EVL: variants seen among roughly 807,000 people sequenced by gnomAD.
EVL encodes the protein ena/VASP-like protein.
Under a neutral mutation model 59.6 loss-of-function variants are expected in EVL, and 21 were observed. The ratio of observed to expected loss-of-function variants is 0.35; its 90% CI spans 0.25 to 0.51. The LOEUF (loss-of-function observed/expected upper bound fraction) is 0.51, where lower values mean the gene tolerates loss of function less well. Ranked by LOEUF, EVL falls within the 20% of genes least tolerant of loss-of-function variation. EVL has a pLI of 0.97. For synonymous variants in EVL, 198 were observed against 203.5 expected, an observed-to-expected ratio of 0.97 and a Z score of 0.23; for missense variants, 462 against 546.6, an observed-to-expected ratio of 0.85 and a Z score of 1.54.
At chr14:100,042,277 C>G (rs2061478991) in intron 1 of EVL, among the ~76,000 whole-genome samples, 1 of 152,080 alleles carries the variant, frequency 6.6e-6, no homozygotes, top group Non-Finnish European at 1.5e-5. Context: ...CCAAAGGCTA[C>G]CAAATTGGAT....
chr14:100,068,414 G>C (rs2061981959), intron 1 of EVL, among the ~76,000 whole-genome samples: 3 of 152,216 alleles, frequency 2.0e-5, no homozygotes, highest in Admixed American at 6.5e-5. Context: ...TCAGAATTTA[G>C]TTAGGGGAAG....
chr14:100,127,302 A>G lies in EVL; in HGVS notation c.487+531A>G, dbSNP rs987261077. On this transcript the variant is annotated intron_variant, in intron 5 of 13. Transcript: ENST00000392920. This position sits in a 1 kb window ranked among gnomAD's most constrained non-coding sequence, Gnocchi z 4.2. ...GGGTTTTCCAGAAATTGTCATGTTCACTGATAGGCAAAGGACTGGATAATT... is the reference window on the plus strand; with the variant it reads ...GGGTTTTCCAGAAATTGTCATGTTCGCTGATAGGCAAAGGACTGGATAATT... 2.0e-5 allele frequency among the ~76,000 whole-genome samples: 3 copies of G among 152,238 alleles called. No individual in the cohort carries two copies. Among genetic ancestry groups the G allele is most frequent in the Non-Finnish European group, 4.4e-5 (3 of 68,042 alleles).
At chr14:100,141,468 C>G (rs187821078) in intron 12 of EVL, among the ~76,000 whole-genome samples, 1 of 152,248 alleles carries the variant, frequency 6.6e-6, no homozygotes, top group Non-Finnish European at 1.5e-5. Context: ...TTCTGGGCAC[C>G]TCCCTCAGGC....
intron 7 of EVL, among the ~76,000 whole-genome samples, 171 bp from the exon 8 acceptor site, chr14:100,132,548 C>A (rs1045708133): frequency 2.0e-5 from 3 of 152,218 alleles, no homozygotes; most frequent in African/African-American, 7.2e-5. Context: ...TTGCCTGGGC[C>A]TGGCTCCTCA....
At chr14:99,993,580 T>C (rs2060889707) in intron 1 of EVL, among the ~76,000 whole-genome samples, 1 of 152,120 alleles carries the variant, frequency 6.6e-6, no homozygotes, top group Admixed American at 6.5e-5. Context: ...ATTTAAATGT[T>C]TGGAAAAATT....
At chr14:100,092,004 C>T (rs1226889188) in intron 2 of EVL, among the ~76,000 whole-genome samples, 4 of 151,952 alleles carry the variant, frequency 2.6e-5, no homozygotes, top group South Asian at 2.1e-4. Context: ...TTTGGGAGGC[C>T]GAGGCAGGAG....
intron 1 of EVL, among the ~76,000 whole-genome samples, chr14:100,071,464 A>T (rs759716198): frequency 6.6e-6 from 1 of 152,240 alleles, no homozygotes; most frequent in Middle Eastern, 3.2e-3. Flanking sequence ...TTCCAGAGCT[A>T]TGTGATGTTT....
At position 100,130,217 on chromosome 14, in the gene EVL, G is replaced by A. The variant is rs78127442; in HGVS notation, c.839+533G>A. Among the ~76,000 whole-genome samples the A allele has an allele frequency of 7.5e-3, 1,141 of 152,290 alleles. 18 individuals are homozygous for A. Among genetic ancestry groups the A allele is most frequent in the African/African-American group, 0.026 (1,077 of 41,564 alleles). ...ATCTACATCCCGGCCGGGCTCTTGGGCCTGAGACCTGGCCATGTGTGTCTG... is the reference window on the plus strand; with the variant it reads ...ATCTACATCCCGGCCGGGCTCTTGGACCTGAGACCTGGCCATGTGTGTCTG... On this transcript the variant is annotated intron_variant, in intron 7 of 13. Coordinates refer to ENST00000392920, the MANE Select transcript of EVL (RefSeq NM_016337.3). The surrounding 1 kb of genome is among the most constrained non-coding windows in gnomAD (Gnocchi z 4.8).
At chr14:100,128,172 A>G (rs1888200296) in intron 5 of EVL, among the ~76,000 whole-genome samples, 1 of 152,328 alleles carries the variant, frequency 6.6e-6, no homozygotes, top group Admixed American at 6.5e-5. Context: ...GAAGGAGCAG[A>G]GAAGAGAAGA....
At chr14:100,123,674 G>A (rs1043793487) in intron 4 of EVL, 72 bp downstream of exon 4, 46 of 1,504,690 alleles carry the variant, frequency 3.1e-5, no homozygotes, top group Admixed American at 2.6e-4. Flanking sequence ...TGCCTTCAGC[G>A]GGTGAGGATG....
At chr14:100,049,697 T>C (rs1401091563) in intron 1 of EVL, among the ~76,000 whole-genome samples, 1 of 152,168 alleles carries the variant, frequency 6.6e-6, no homozygotes, top group African/African-American at 2.4e-5. Context: ...CTCAGTTGTT[T>C]TTAGTATATT....
At chr14:100,089,134 CA>C (rs2062510029) in intron 2 of EVL, among the ~76,000 whole-genome samples, 1 of 152,170 alleles carries the variant, frequency 6.6e-6, no homozygotes, top group African/African-American at 2.4e-5. Context: ...CATATATCTT[CA>C]AAACACATAA....
intron 3 of EVL, among the ~76,000 whole-genome samples, chr14:100,101,618 G>A (rs1886228890): frequency 6.6e-6 from 1 of 152,128 alleles, no homozygotes; most frequent in Admixed American, 6.6e-5. Flanking sequence ...GCTCCAGCCT[G>A]GGCAACAAGA....
chr14:100,134,080 C>G (rs1439445355), intron 8 of EVL, among the ~76,000 whole-genome samples: 1 of 152,240 alleles, frequency 6.6e-6, no homozygotes, highest in Non-Finnish European at 1.5e-5. Flanking sequence ...TCGTTGTCTC[C>G]TGCCAGATCT....
rs1037874977 is a variant in EVL at position 100,034,505 on chromosome 14, T to C, written c.6-50182T>C. On this transcript the variant is annotated intron_variant, in intron 1 of 13. Transcript: ENST00000402714. Reference sequence around the variant, plus strand: ...TTTAGGTCAAAATGAATCCCAACACTTTGGAAGGTTGAAGTGGGAGGATCA... The same window carrying C: ...TTTAGGTCAAAATGAATCCCAACACCTTGGAAGGTTGAAGTGGGAGGATCA... Among the ~76,000 whole-genome samples the C allele has an allele frequency of 2.0e-5, 3 of 152,020 alleles. No individual in the cohort carries two copies. The East Asian group carries it at 5.8e-4, about 30-fold the overall frequency.
At chr14:99,973,816 A>G (rs1387569497) in intron 1 of EVL, among the ~76,000 whole-genome samples, 1 of 152,238 alleles carries the variant, frequency 6.6e-6, no homozygotes, top group Non-Finnish European at 1.5e-5. Context: ...ATTAAGATAT[A>G]TGGTTCACCA....
intron 1 of EVL, among the ~76,000 whole-genome samples, chr14:100,017,071 A>G (rs1331886776): frequency 1.3e-5 from 2 of 152,234 alleles, no homozygotes; most frequent in Non-Finnish European, 1.5e-5. Context: ...GCCGGAATCC[A>G]TGTCATTACT....
chr14:99,992,142 A>G (rs1390835026), intron 1 of EVL, among the ~76,000 whole-genome samples: 1 of 152,170 alleles, frequency 6.6e-6, no homozygotes, highest in African/African-American at 2.4e-5. Context: ...TGATAATGCT[A>G]TCCTAATGGG....
In EVL at chr14:100,043,218, G is replaced by T. The variant is rs566204836; in HGVS notation, c.6-41469G>T. ...CTCCAGGGAGTACCAATAGGAGATA[G>T]ATATATATATATGTATGTGTGTGTG... On this transcript the variant is annotated intron_variant, in intron 1 of 13. Coordinates refer to the EVL transcript ENST00000402714. 1.9e-3 allele frequency among the ~76,000 whole-genome samples: 292 copies of T among 151,242 alleles called. 1 individual carries two copies. The highest frequency in any genetic ancestry group is 6.5e-3 in the African/African-American group (267 of 41,174).
Sources: allele counts gnomAD v4.1 joint callset (sites outside exome capture counted in the v4.1 genomes callset), GRCh38; gene constraint gnomAD v4.1.1; non-coding constraint Gnocchi (gnomAD v3.1); transcripts MANE v1.5; gene names NCBI Gene and HGNC (gene_info 2026-07-23, HGNC 2026-07-21).